Variants in THSD7B observed in about 807,000 individuals in gnomAD.
THSD7B encodes the protein thrombospondin type 1 domain containing 7B.
THSD7B carries 138 observed loss-of-function variants against 213.6 expected under a neutral mutation model. That is an observed-to-expected ratio of 0.65 (90% CI 0.56 to 0.74). The LOEUF (loss-of-function observed/expected upper bound fraction) is 0.74. Ranked by LOEUF, THSD7B falls within the 30% of genes least tolerant of loss-of-function variation. The pLI is 0.00. For synonymous variants in THSD7B, 742 were observed against 687.0 expected (o/e 1.08, Z -1.25); for missense variants, 1,931 against 1,991.5 (o/e 0.97, Z 0.58).
At position 136,785,852 on chromosome 2, in the gene THSD7B, A is replaced by G. The variant is rs59687713; in HGVS notation, c.-36+20165A>G. Among the ~76,000 whole-genome samples the G allele has an allele frequency of 8.0e-3, 1,215 of 152,330 alleles. 27 individuals carry two copies. The highest frequency in any genetic ancestry group is 0.027 in the African/African-American group (1,143 of 41,568). ...GTTTTATAAAATGTAAAATGAGATG[A>G]TAATATCCAGTTTGTATGGCTATTA... On this transcript the variant is annotated intron_variant, in intron 1 of 27. Transcript: ENST00000409968.
intron 2 of THSD7B, among the ~76,000 whole-genome samples, chr2:137,007,488 T>TTAA (rs994523920): frequency 5.3e-5 from 8 of 152,106 alleles, no homozygotes; most frequent in African/African-American, 1.9e-4. Context: ...GGTGTCCAGT[T>TTAA]TAATGTATTT....
intron 15 of THSD7B, among the ~76,000 whole-genome samples, chr2:137,467,076 T>C (rs1688008746): frequency 2.6e-5 from 4 of 152,194 alleles, no homozygotes; most frequent in Admixed American, 2.0e-4. Flanking sequence ...TGACTGAAGC[T>C]GCATGTATGT....
chr2:137,312,425 C>T (rs1234380043), intron 12 of THSD7B, among the ~76,000 whole-genome samples: 1 of 145,880 alleles, frequency 6.9e-6, no homozygotes, highest in Non-Finnish European at 1.5e-5. Context: ...TGCTAGTGGT[C>T]TATCAATTTT....
At chr2:136,920,216 T>G (rs930169077) in intron 2 of THSD7B, among the ~76,000 whole-genome samples, 2 of 152,192 alleles carry the variant, frequency 1.3e-5, no homozygotes, top group Non-Finnish European at 2.9e-5. Flanking sequence ...GTAGGGTAAG[T>G]AAGGTGGAGA....
chr2:137,484,127 G>A (rs953036100), intron 15 of THSD7B, among the ~76,000 whole-genome samples: 8 of 149,240 alleles, frequency 5.4e-5, no homozygotes, highest in African/African-American at 1.3e-4. Context: ...CCATTACCTC[G>A]TCATTTAGCA....
chr2:137,229,360 T>A (rs1681587784), intron 7 of THSD7B, among the ~76,000 whole-genome samples: 1 of 152,054 alleles, frequency 6.6e-6, no homozygotes, highest in Admixed American at 6.5e-5. Context: ...GGTGTGTGTG[T>A]GTGTGTGTGT....
At chr2:137,537,854 AT>A (rs1243151264) in intron 15 of THSD7B, among the ~76,000 whole-genome samples, 2 of 151,774 alleles carry the variant, frequency 1.3e-5, no homozygotes, top group Non-Finnish European at 3.0e-5. Context: ...AGACTACAAT[AT>A]TTAAAAAAAT....
intron 7 of THSD7B, among the ~76,000 whole-genome samples, chr2:137,205,703 C>G (rs1232137613): frequency 6.6e-6 from 1 of 151,976 alleles, no homozygotes; most frequent in Non-Finnish European, 1.5e-5. Context: ...GGAAACAGCT[C>G]CATATTTAAA....
At chr2:137,163,299 T>C (rs1680055220) in intron 6 of THSD7B, among the ~76,000 whole-genome samples, 1 of 152,126 alleles carries the variant, frequency 6.6e-6, no homozygotes, top group East Asian at 1.9e-4. Context: ...CCCTGGTACA[T>C]ATGAGTAGGA....
At chr2:137,314,762 G>A (rs376643485) in intron 12 of THSD7B, among the ~76,000 whole-genome samples, 4 of 152,018 alleles carry the variant, frequency 2.6e-5, no homozygotes, top group African/African-American at 9.7e-5. Flanking sequence ...TGGAGTACTC[G>A]GCCTTGTGAG....
chr2:137,545,101 A>C (rs2105196652), intron 15 of THSD7B, among the ~76,000 whole-genome samples: 1 of 151,884 alleles, frequency 6.6e-6, no homozygotes, highest in East Asian at 1.9e-4. Flanking sequence ...TGTTTGTGGG[A>C]ATGCAGCTGT....
At chr2:137,172,040 C>T (rs1680263915) in intron 7 of THSD7B, among the ~76,000 whole-genome samples, 1 of 152,128 alleles carries the variant, frequency 6.6e-6, no homozygotes, top group African/African-American at 2.4e-5. Context: ...AACATATGTG[C>T]AATTTAGTAA....
chr2:137,279,306 T>G (rs1682942771), intron 12 of THSD7B, among the ~76,000 whole-genome samples: 1 of 151,866 alleles, frequency 6.6e-6, no homozygotes, highest in Non-Finnish European at 1.5e-5. Flanking sequence ...AAGGCTGAGG[T>G]GAGAGGATTC....
At chr2:137,427,202 T>G (rs1005976798) in intron 14 of THSD7B, among the ~76,000 whole-genome samples, 2 of 152,164 alleles carry the variant, frequency 1.3e-5, no homozygotes, top group African/African-American at 2.4e-5. Context: ...GGAATGTAAA[T>G]TGGCTTAGCC....
chr2:136,947,289 A>G (rs58308680), intron 2 of THSD7B, among the ~76,000 whole-genome samples: 11,263 of 152,238 alleles, frequency 0.074, 670 homozygotes, highest in African/African-American at 0.16. Flanking sequence ...GTAATGATAG[A>G]CAGTTTGAAA....
At chr2:137,158,553 A>G (rs188688103) in intron 5 of THSD7B, among the ~76,000 whole-genome samples, 1 of 152,326 alleles carries the variant, frequency 6.6e-6, no homozygotes, top group Non-Finnish European at 1.5e-5. Flanking sequence ...CAAATAAAAC[A>G]TTATTATTTT....
chr2:137,453,926 C>T (rs1480324729), intron 15 of THSD7B, among the ~76,000 whole-genome samples: 1 of 152,132 alleles, frequency 6.6e-6, no homozygotes, highest in Non-Finnish European at 1.5e-5. Flanking sequence ...TCCATGTAGT[C>T]TCAAATAGCA....
chr2:137,479,869 A>G (rs1199196711), intron 15 of THSD7B, among the ~76,000 whole-genome samples: 1 of 152,166 alleles, frequency 6.6e-6, no homozygotes, highest in Non-Finnish European at 1.5e-5. Flanking sequence ...GGGACTCAGC[A>G]TGAGCTCTCT....
At chr2:137,215,914 A>G (rs1212360674) in intron 7 of THSD7B, among the ~76,000 whole-genome samples, 1 of 152,194 alleles carries the variant, frequency 6.6e-6, no homozygotes, top group Admixed American at 6.5e-5. Context: ...GTAAATAAAG[A>G]TAGTGAAATT....
Sources: allele counts gnomAD v4.1 joint callset (sites outside exome capture counted in the v4.1 genomes callset), GRCh38; gene constraint gnomAD v4.1.1; transcripts MANE v1.5; gene names NCBI Gene and HGNC (gene_info 2026-07-23, HGNC 2026-07-21).